Variants in KCNAB2 observed in about 807,000 individuals in gnomAD.
KCNAB2 encodes potassium voltage-gated channel subfamily A regulatory beta subunit 2.
KCNAB2 carries 29 observed loss-of-function variants against 63.6 expected under a neutral mutation model. That is an observed-to-expected ratio of 0.46 (90% CI 0.34 to 0.62). The LOEUF is 0.62. KCNAB2 is among the 20% of genes least tolerant of loss of function. The pLI, the probability that KCNAB2 is intolerant of heterozygous loss-of-function variation, is 0.01. For synonymous variants in KCNAB2, 222 were observed against 224.2 expected, an observed-to-expected ratio of 0.99 and a Z score of 0.09; for missense variants, 359 against 563.9, an observed-to-expected ratio of 0.64 and a Z score of 3.68.
chr1:6,089,761 G>T (rs542244274), intron 8 of KCNAB2, among the ~76,000 whole-genome samples: 3 of 152,304 alleles, frequency 2.0e-5, no homozygotes, highest in Middle Eastern at 3.4e-3. Flanking sequence ...GCAGCGGCAC[G>T]ATCTTGGCTC....
chr1:6,096,575 G>A lies in KCNAB2; in HGVS notation c.949-61G>A, dbSNP rs1215912688. 3.5e-5 allele frequency: 54 copies of A among 1,558,348 alleles called. No homozygotes were observed. The highest frequency in any genetic ancestry group is 2.5e-4 in the East Asian group (11 of 43,488). ...GAATGAGCCCATCGGCCCCCTGCAC[G>A]TGGGGGTCCAGGTGACCTGCTCTCA... On this transcript the variant is annotated intron_variant, in intron 13 of 15. Transcript: ENST00000378083. This position sits in a 1 kb window ranked among gnomAD's most constrained non-coding sequence, Gnocchi z 5.9.
At chr1:6,042,546 G>T (rs1660580198), upstream of KCNAB2, among the ~76,000 whole-genome samples, 1 of 152,166 alleles carries the variant, frequency 6.6e-6, no homozygotes, top group African/African-American at 2.4e-5. Context: ...TAAGGCAGGG[G>T]ATGCATGTTC....
Position 6,097,316 on chromosome 1 carries a change from T to C in KCNAB2, c.1117T>C (p.Ser373Pro). The change falls in exon 15 of 16, where the codon TCC becomes CCC. Residue 373 changes from serine (S) to proline (P), a missense_variant. Physicochemically the swap from Ser to Pro is moderately conservative, Grantham distance 74. Around this residue, in one of 2 missense-constraint regions of KCNAB2, gnomAD observed 271 missense variants for 476.1 expected, o/e 0.57. Coordinates refer to ENST00000378083, the MANE Select transcript of KCNAB2 (RefSeq NM_001199862.2). ...EGVSSVLLGA[S>P]NADQLMENIG... ...AGTCAGCTCCGTGCTCCTGGGGGCC[T>C]CCAATGCGGACCAGCTCATGGAGAA... 6.4e-7 allele frequency: 1 copy of C among 1,552,704 alleles called. No homozygotes were observed. The highest frequency in any genetic ancestry group is 8.7e-7 in the Non-Finnish European group (1 of 1,147,516).
chr1:6,083,991 G>A (rs1054609954), intron 5 of KCNAB2, among the ~76,000 whole-genome samples: 8 of 152,152 alleles, frequency 5.3e-5, no homozygotes, highest in African/African-American at 1.9e-4. Flanking sequence ...CCCAAATCAG[G>A]GACCAAGGAA....
upstream of KCNAB2, chr1:6,041,915 C>T (rs748384764): frequency 1.3e-6 from 2 of 1,589,328 alleles, no homozygotes; most frequent in South Asian, 2.2e-5. Flanking sequence ...GAGCCGAAGG[C>T]CAGGGAGCGG....
chr1:6,043,501 C>T (rs1660672811), upstream of KCNAB2, among the ~76,000 whole-genome samples: 1 of 152,228 alleles, frequency 6.6e-6, no homozygotes, highest in South Asian at 2.1e-4. Context: ...ACCCTCTAGG[C>T]TCTCAGCCCC....
chr1:6,082,791 C>G (rs942854898), intron 5 of KCNAB2, among the ~76,000 whole-genome samples: 1 of 152,230 alleles, frequency 6.6e-6, no homozygotes, highest in Non-Finnish European at 1.5e-5. Context: ...ATCATCCACT[C>G]TCCTGCATCG....
intron 10 of KCNAB2, among the ~76,000 whole-genome samples, chr1:6,093,044 A>C (rs1381428683): frequency 6.6e-6 from 1 of 152,270 alleles, no homozygotes; most frequent in Non-Finnish European, 1.5e-5. Context: ...ACGGGAAGCC[A>C]GCACTGCCAC....
upstream of KCNAB2, among the ~76,000 whole-genome samples, chr1:6,030,810 G>T (rs1659566024): frequency 6.6e-6 from 1 of 151,752 alleles, no homozygotes; most frequent in African/African-American, 2.4e-5. Context: ...GTAGGTGTGT[G>T]TGTATATGTG....
chr1:6,029,760 C>T (rs1659459102), upstream of KCNAB2, among the ~76,000 whole-genome samples: 1 of 152,264 alleles, frequency 6.6e-6, no homozygotes, highest in Non-Finnish European at 1.5e-5. Context: ...GTGCCAACTC[C>T]AAAGCCCAGA....
chr1:6,080,663 C>T (rs74049395), intron 4 of KCNAB2, among the ~76,000 whole-genome samples: 2 of 152,202 alleles, frequency 1.3e-5, no homozygotes, highest in African/African-American at 4.8e-5. Context: ...ATACACCCCC[C>T]ACCCACAAAC....
chr1:6,087,479 C>G lies in KCNAB2; in HGVS notation c.438C>G (p.Leu146=), dbSNP rs143477926. The change falls in exon 7 of 16, where the codon CTC becomes CTG. Residue 146 remains leucine (L), a synonymous_variant. Transcript: ENST00000378083. This position sits in a 1 kb window ranked among gnomAD's most constrained non-coding sequence, Gnocchi z 6.4. ...TTCTGTTCCACAGGCGGTCCAGCCT[C>G]GTCATCACCACCAAGATCTTCTGGG... ...IKKKGWRRSS[L]VITTKIFWGG... 2.5e-6 allele frequency: 4 copies of G among 1,614,200 alleles called. No individual in the cohort carries two copies. The highest frequency in any genetic ancestry group is 2.5e-6 in the Non-Finnish European group (3 of 1,180,032).
chr1:6,009,401 ATGTGTGCACACGTGTGCATATG>A (rs1337494195), intron 1 of KCNAB2, among the ~76,000 whole-genome samples: 3 of 152,138 alleles, frequency 2.0e-5, no homozygotes, highest in Non-Finnish European at 4.4e-5. Flanking sequence ...GTGTGCGTGT[ATGTGTGCACACGTGTGCATATG>A]TGTATGCACA....
intron 13 of KCNAB2, 149 bp downstream of exon 13, chr1:6,095,773 G>A (rs375986645): frequency 1.7e-5 from 12 of 725,992 alleles, no homozygotes; most frequent in African/African-American, 6.9e-5. Flanking sequence ...GCTCCTTGGC[G>A]TGAGAACATG....
chr1:6,076,523 C>A (rs1446677861), intron 4 of KCNAB2, among the ~76,000 whole-genome samples: 1 of 152,206 alleles, frequency 6.6e-6, no homozygotes, highest in Non-Finnish European at 1.5e-5. Context: ...GAGAACCTAA[C>A]ACTTATTATC....
intron 4 of KCNAB2, among the ~76,000 whole-genome samples, chr1:6,080,215 A>G (rs1664074693): frequency 6.6e-6 from 1 of 152,066 alleles, no homozygotes; most frequent in Non-Finnish European, 1.5e-5. Flanking sequence ...CTGGGCCTGG[A>G]TGTGGGAGGC....
At chr1:6,091,144 A>T in intron 9 of KCNAB2, 119 bp from the exon 10 acceptor site, 1 of 737,938 alleles carries the variant, frequency 1.4e-6, no homozygotes, top group South Asian at 1.5e-5. Context: ...TTTCCTTTTT[A>T]ACTAAACGCG....
intron 4 of KCNAB2, among the ~76,000 whole-genome samples, chr1:6,081,070 G>C (rs1664169330): frequency 6.6e-6 from 1 of 152,238 alleles, no homozygotes; most frequent in Non-Finnish European, 1.5e-5. Flanking sequence ...GTCACTTGCA[G>C]AGGGGCTCCC....
intron 2 of KCNAB2, among the ~76,000 whole-genome samples, chr1:6,065,652 G>A (rs946631770): frequency 6.6e-5 from 10 of 152,138 alleles, no homozygotes; most frequent in Admixed American, 2.0e-4. Context: ...CTCATCACCC[G>A]TCACTCATCA....
Sources: gnomAD v4.1 joint callset for allele counts (sites outside exome capture counted in the v4.1 genomes callset) on GRCh38, gnomAD v4.1.1 for gene constraint, gnomAD v4.1.1 regional missense constraint, Gnocchi (gnomAD v3.1) non-coding constraint, MANE v1.5 for transcripts, NCBI Gene and HGNC (gene_info 2026-07-23, HGNC 2026-07-21) for gene names.